The following FXYD6 variants were observed in gnomAD, a reference collection of about 807,000 sequenced individuals.
FXYD6 encodes FXYD domain containing ion transport regulator 6.
A neutral mutation model predicts 16.7 loss-of-function variants in FXYD6; 7 were observed. That is an observed-to-expected ratio of 0.42 (90% CI 0.24 to 0.79). The LOEUF is 0.79. Ranked by LOEUF, FXYD6 falls within the 30% of genes least tolerant of loss-of-function variation. FXYD6 has a pLI of 0.28. For synonymous variants in FXYD6, 49 were observed against 43.0 expected (o/e 1.14, Z -0.54); for missense variants, 111 against 116.2 (o/e 0.95, Z 0.21).
chr11:117,875,972 C>T (rs77352874), intron 1 of FXYD6, among the ~76,000 whole-genome samples: 4,220 of 152,182 alleles, frequency 0.028, 164 homozygotes, highest in African/African-American at 0.094. Context: ...GACCCCAGGG[C>T]CCCCCGGAAA....
chr11:117,855,949 C>T (rs1436459594), intron 1 of FXYD6, among the ~76,000 whole-genome samples: 1 of 152,226 alleles, frequency 6.6e-6, no homozygotes, highest in Non-Finnish European at 1.5e-5. Flanking sequence ...CACGTTGCTG[C>T]CTCCTCTAGG....
At chr11:117,868,406 T>C (rs2057057003) in intron 1 of FXYD6, among the ~76,000 whole-genome samples, 2 of 152,078 alleles carry the variant, frequency 1.3e-5, no homozygotes. Context: ...TCTTCCTCCC[T>C]AAAACCCATC....
At chr11:117,850,825 C>T (rs2056593967) in intron 1 of FXYD6, among the ~76,000 whole-genome samples, 1 of 151,658 alleles carries the variant, frequency 6.6e-6, no homozygotes, top group Admixed American at 6.6e-5. Flanking sequence ...TCCTTTTCTC[C>T]CTCTACTGGT....
At chr11:117,860,311 G>C (rs549171423) in intron 1 of FXYD6, among the ~76,000 whole-genome samples, 2 of 152,288 alleles carry the variant, frequency 1.3e-5, no homozygotes, top group South Asian at 4.1e-4. Context: ...ACCTTTTCTA[G>C]GTAGCTGCCA....
intron 1 of FXYD6, among the ~76,000 whole-genome samples, chr11:117,846,159 T>C (rs1406916073): frequency 6.6e-6 from 1 of 152,254 alleles, no homozygotes; most frequent in East Asian, 1.9e-4. Flanking sequence ...AAGATGGCTT[T>C]AATGTGATTA....
rs1221480307 is a variant in FXYD6 at position 117,837,586 on chromosome 11, G to C, written c.*713C>G. Reference sequence around the variant, plus strand: ...GGGGCGGGGCAGATGGGGACTCCTCGTGGAAGCCCCTGGGAAGAAATTAAC... The same window carrying C: ...GGGGCGGGGCAGATGGGGACTCCTCCTGGAAGCCCCTGGGAAGAAATTAAC... On this transcript the variant is annotated 3_prime_UTR_variant, in exon 8 of 8. Coordinates refer to ENST00000526014, the MANE Select transcript of FXYD6 (RefSeq NM_022003.4). This position sits in a 1 kb window ranked among gnomAD's most constrained non-coding sequence, Gnocchi z 4.4. 6.5e-6 allele frequency: 1 copy of C among 152,834 alleles called. No individual in the cohort carries two copies. The highest frequency in any genetic ancestry group is 1.9e-4 in the East Asian group (1 of 5,194). The allele number at this position is 152,834 out of a possible 1,614,324, so 9.5% of individuals were successfully genotyped here. A position where few individuals can be genotyped will look rare whatever the true frequency, so the allele number is the denominator to read the frequency against.
At chr11:117,858,602 A>T (rs1297573739) in intron 1 of FXYD6, among the ~76,000 whole-genome samples, 1 of 148,938 alleles carries the variant, frequency 6.7e-6, no homozygotes, top group Admixed American at 6.6e-5. Context: ...TTTTTGTAAA[A>T]CGGAGAGTCG....
chr11:117,841,541 C>A, intron 4 of FXYD6: 1 of 598,380 alleles, frequency 1.7e-6, no homozygotes, highest in Non-Finnish European at 3.0e-6. Flanking sequence ...ATAGACACAG[C>A]ACTGGGAAGC....
In FXYD6 at chr11:117,858,642, T is replaced by TC. The variant is rs1030788073; in HGVS notation, c.-5-15862dup. ...TGCTTCATTTTCTTTTTTCTTTCTT[T>TC]CTTTCTTTCTTTCTTTCTTTCTTTC... On this transcript the variant is annotated intron_variant, in intron 1 of 7. Coordinates refer to ENST00000526014, the MANE Select transcript of FXYD6 (RefSeq NM_022003.4). Among the ~76,000 whole-genome samples, 8 of 30,936 alleles carry TC rather than the reference T, an allele frequency of 2.6e-4. No homozygotes were observed. The East Asian group carries it at 4.2e-3, about 16-fold the overall frequency. 20.3% of individuals were successfully genotyped at this position (30,936 alleles called of 152,430 possible). A position where few individuals can be genotyped will look rare whatever the true frequency, so the allele number is the denominator to read the frequency against.
intron 1 of FXYD6, among the ~76,000 whole-genome samples, chr11:117,857,462 T>A (rs1475811365): frequency 6.9e-6 from 1 of 144,892 alleles, no homozygotes; most frequent in African/African-American, 2.6e-5. Context: ...CAGGCTGGAG[T>A]GCAGTGGCGC....
At chr11:117,856,149 G>C (rs964488021) in intron 1 of FXYD6, among the ~76,000 whole-genome samples, 1 of 152,016 alleles carries the variant, frequency 6.6e-6, no homozygotes, top group African/African-American at 2.4e-5. Flanking sequence ...GAGTTTCTCC[G>C]GCAATTATCT....
At chr11:117,871,858 C>T (rs2057143447) in intron 1 of FXYD6, among the ~76,000 whole-genome samples, 2 of 152,138 alleles carry the variant, frequency 1.3e-5, no homozygotes, top group South Asian at 4.2e-4. Flanking sequence ...AGTTTAGAAT[C>T]CAAGTTTGTG....
At position 117,840,335 on chromosome 11, in the gene FXYD6, G is replaced by A. The variant is rs1350340193; in HGVS notation, c.243C>T (p.Asn81=). ...GACAGTTACCATTGGCGGTGATGAG[G>A]TTCTCCACCTGGGCTTCCTCATCTC... is the stretch of plus-strand genomic sequence containing the variant. ...APGDEEAQVE[N]LITANATEPQ... is the part of the protein sequence containing the mutation. Residue 81 remains asparagine, a synonymous_variant, in exon 6 of 8, where the codon AAC becomes AAT. Transcript: ENST00000526014. The A allele has an allele frequency of 1.9e-6, 3 of 1,614,026 alleles. No homozygotes were observed. In the Admixed American group the frequency reaches 5.0e-5, roughly 27 times the overall value.
chr11:117,842,667 G>A lies in FXYD6; in HGVS notation c.58+52C>T, dbSNP rs572292052. On this transcript the variant is annotated intron_variant, in intron 2 of 7. Transcript: ENST00000526014. The stretch of plus-strand genomic sequence containing the variant: ...GGGCCCAGAACCTTCCAGCAGAGAG[G>A]GCTGGACAGGGTTGTCATCTTGTCA... The A allele has an allele frequency of 2.0e-6, 3 of 1,525,998 alleles. No homozygotes were observed. In the African/African-American group the frequency reaches 4.1e-5, roughly 21 times the overall value. 94.5% of individuals were successfully genotyped at this position (1,525,998 alleles called of 1,614,324 possible). A position where few individuals can be genotyped will look rare whatever the true frequency, so the allele number is the denominator to read the frequency against.
intron 1 of FXYD6, among the ~76,000 whole-genome samples, chr11:117,850,774 T>C (rs1394521094): frequency 6.6e-6 from 1 of 152,044 alleles, no homozygotes; most frequent in Non-Finnish European, 1.5e-5. Flanking sequence ...ATTATAGGCA[T>C]GAGCCACTGC....
chr11:117,837,595 C>A lies in FXYD6; in HGVS notation c.*704G>T, dbSNP rs2056228762. The A allele has an allele frequency of 6.5e-6, 1 of 152,916 alleles. No individual in the cohort carries two copies. The highest frequency in any genetic ancestry group is 2.4e-5 in the African/African-American group (1 of 41,420). The allele number at this position is 152,916 out of a possible 1,614,324, so 9.5% of individuals were successfully genotyped here. ...CAGATGGGGACTCCTCGTGGAAGCCCCTGGGAAGAAATTAACCACGGAAGG... is the reference window on the plus strand; with the variant it reads ...CAGATGGGGACTCCTCGTGGAAGCCACTGGGAAGAAATTAACCACGGAAGG... On this transcript the variant is annotated 3_prime_UTR_variant, in exon 8 of 8. Transcript: ENST00000526014. This position sits in a 1 kb window ranked among gnomAD's most constrained non-coding sequence, Gnocchi z 4.4.
chr11:117,838,548 A>G, intron 7 of FXYD6: 2 of 463,344 alleles, frequency 4.3e-6, no homozygotes, highest in South Asian at 3.6e-5. Flanking sequence ...TTAGGATAAA[A>G]GGTTTCTGAG....
At chr11:117,875,062 C>T (rs1303157519) in intron 1 of FXYD6, among the ~76,000 whole-genome samples, 1 of 152,034 alleles carries the variant, frequency 6.6e-6, no homozygotes, top group African/African-American at 2.4e-5. Context: ...TGCCCTCTCT[C>T]TCCCCTGCCT....
At chr11:117,841,082 C>T (rs944713188) in intron 5 of FXYD6, 66 bp downstream of exon 5, 35 of 1,601,052 alleles carry the variant, frequency 2.2e-5, no homozygotes, top group South Asian at 1.7e-4. Flanking sequence ...GGGGGTCACA[C>T]ACCAGGGGTC....
Sources: gnomAD v4.1 joint callset for allele counts (sites outside exome capture counted in the v4.1 genomes callset) on GRCh38, gnomAD v4.1.1 for gene constraint, Gnocchi (gnomAD v3.1) non-coding constraint, MANE v1.5 for transcripts, NCBI Gene and HGNC (gene_info 2026-07-23, HGNC 2026-07-21) for gene names.